The following FLOT1 variants were observed in gnomAD, a reference collection of about 807,000 sequenced individuals.
The protein encoded by FLOT1 is flotillin-1.
A neutral mutation model predicts 58.4 loss-of-function variants in FLOT1; 40 were observed. That is an observed-to-expected ratio of 0.69 (90% CI 0.53 to 0.89). The LOEUF is 0.89. Ranked by LOEUF, FLOT1 falls within the 40% of genes least tolerant of loss-of-function variation. The pLI is 0.00. For missense variants in FLOT1, 423 were observed against 540.8 expected (o/e 0.78, Z 2.16); for synonymous variants, 178 against 204.2 (o/e 0.87, Z 1.09).
rs1562187934 is a variant in FLOT1, at chr6:30,737,211, TCCGTCC to T, written c.723+2941_723+2946del. Among the ~76,000 whole-genome samples the T allele has an allele frequency of 2.1e-4, 16 of 76,224 alleles. No homozygotes were observed. Among genetic ancestry groups the T allele is most frequent in the African/African-American group, 6.4e-4 (14 of 21,820 alleles). 50.0% of individuals were successfully genotyped at this position (76,224 alleles called of 152,430 possible). On this transcript the variant is annotated intron_variant, in intron 8 of 12. Transcript: ENST00000376389. This position sits in a 1 kb window ranked among gnomAD's most constrained non-coding sequence, Gnocchi z 4.4. ...TGACTGACTGACTGACTGTCTGTCGTCCGTCCGTCCGTCCGTCCGTCCGTCCGTCCG... is the reference window on the plus strand; with the variant it reads ...TGACTGACTGACTGACTGTCTGTCGTGTCCGTCCGTCCGTCCGTCCGTCCG...
At chr6:30,739,944 G>T (rs1371375784) in intron 8 of FLOT1, among the ~76,000 whole-genome samples, 5 of 152,244 alleles carry the variant, frequency 3.3e-5, no homozygotes. Flanking sequence ...TTACAGGCAT[G>T]AGTCACCACA....
rs984989911 is a variant in FLOT1 at position 30,737,271 on chromosome 6, T to C, written c.723+2887A>G. Reference sequence around the variant, plus strand: ...GTCCATCCGTCCATCCATCCATCCATATATCTATCTTAGAAGGAGTCTCGC... The same window carrying C: ...GTCCATCCGTCCATCCATCCATCCACATATCTATCTTAGAAGGAGTCTCGC... On this transcript the variant is annotated intron_variant, in intron 8 of 12. Coordinates refer to ENST00000376389, the MANE Select transcript of FLOT1 (RefSeq NM_005803.4). This position sits in a 1 kb window ranked among gnomAD's most constrained non-coding sequence, Gnocchi z 4.4. 6.6e-6 allele frequency among the ~76,000 whole-genome samples: 1 copy of C among 151,610 alleles called. No individual in the cohort carries two copies. The highest frequency in any genetic ancestry group is 1.5e-5 in the Non-Finnish European group (1 of 67,932).
intron 8 of FLOT1, 38 bp from the exon 9 acceptor site, chr6:30,731,138 C>CA: frequency 6.4e-7 from 1 of 1,558,816 alleles, no homozygotes. Context: ...CGCTCTGAGT[C>CA]AGAGGTGAAG....
At chr6:30,729,575 G>A (rs1315681138) in intron 12 of FLOT1, among the ~76,000 whole-genome samples, 3 of 152,286 alleles carry the variant, frequency 2.0e-5, no homozygotes, top group Middle Eastern at 3.4e-3. Context: ...GCTAGGATTC[G>A]CAACAAAACA....
chr6:30,734,072 A>AAAAAG (rs1777397004), intron 8 of FLOT1, among the ~76,000 whole-genome samples: 1 of 145,076 alleles, frequency 6.9e-6, no homozygotes, highest in Non-Finnish European at 1.5e-5. Flanking sequence ...AAAAAAAAAA[A>AAAAAG]GGAATCTGAA....
intron 8 of FLOT1, among the ~76,000 whole-genome samples, chr6:30,731,352 G>T (rs895057161): frequency 3.3e-5 from 5 of 152,008 alleles, no homozygotes; most frequent in African/African-American, 1.2e-4. Context: ...AGGTGTGGTG[G>T]CGAATGCCTG....
At chr6:30,732,504 C>A (rs948485686) in intron 8 of FLOT1, among the ~76,000 whole-genome samples, 1 of 152,054 alleles carries the variant, frequency 6.6e-6, no homozygotes, top group Admixed American at 6.6e-5. Context: ...AGGTGTGAAC[C>A]AGCACACCCG....
chr6:30,731,128 C>A (rs780078004), intron 8 of FLOT1, 28 bp from the exon 9 acceptor site: 1 of 1,571,874 alleles, frequency 6.4e-7, no homozygotes, highest in South Asian at 1.1e-5. Flanking sequence ...GTCAGGTTCA[C>A]GCTCTGAGTC....
At chr6:30,740,952 A>G in intron 5 of FLOT1, 154 bp from the exon 6 acceptor site, 1 of 1,223,142 alleles carries the variant, frequency 8.2e-7, no homozygotes, top group Non-Finnish European at 1.1e-6. Context: ...ATACCCAGCT[A>G]ATTTTTGTAT....
chr6:30,742,274 T>A lies in FLOT1; in HGVS notation c.-14-71A>T. 1 of 1,343,018 alleles carries A rather than the reference T, an allele frequency of 7.4e-7. No homozygotes were observed. The highest frequency in any genetic ancestry group is 1.4e-5 in the African/African-American group (1 of 69,654). 83.2% of individuals were successfully genotyped at this position (1,343,018 alleles called of 1,614,324 possible). A position where few individuals can be genotyped will look rare whatever the true frequency, so the allele number is the denominator to read the frequency against. On this transcript the variant is annotated intron_variant, in intron 1 of 12. Coordinates refer to ENST00000376389, the MANE Select transcript of FLOT1 (RefSeq NM_005803.4). The surrounding 1 kb of genome is among the most constrained non-coding windows in gnomAD (Gnocchi z 5.2). Reference sequence around the variant, plus strand: ...TGTGGCGTCCACAGGGGCCCATCCTTTCCCTTTCCCGTCAGGCCCTCCCAG... The same window carrying A: ...TGTGGCGTCCACAGGGGCCCATCCTATCCCTTTCCCGTCAGGCCCTCCCAG...
At position 30,741,552 on chromosome 6, in the gene FLOT1, A is replaced by C. The variant is rs1777979655; in HGVS notation, c.210+62T>G. On this transcript the variant is annotated intron_variant, in intron 4 of 12. Transcript: ENST00000376389. The surrounding 1 kb of genome is among the most constrained non-coding windows in gnomAD (Gnocchi z 5.9). ...GAAGACTGTGGCCAGAAGATGTCTTAATGTCTGGGAGAGAGGGTGATGGGG... is the reference window on the plus strand; with the variant it reads ...GAAGACTGTGGCCAGAAGATGTCTTCATGTCTGGGAGAGAGGGTGATGGGG... The C allele has an allele frequency of 7.3e-7, 1 of 1,376,462 alleles. No homozygotes were observed. The highest frequency in any genetic ancestry group is 1.2e-5 in the South Asian group (1 of 86,148). The allele number at this position is 1,376,462 out of a possible 1,614,324, so 85.3% of individuals were successfully genotyped here. A position where few individuals can be genotyped will look rare whatever the true frequency, so the allele number is the denominator to read the frequency against.
In FLOT1 at chr6:30,731,610, T is replaced by C. The variant is rs369471477; in HGVS notation, c.724-510A>G. ...CCGTTTAATCTATTTTTCCCACGTG[T>C]GCCCCCTTCTAGAGTATAAATACCT... is the stretch of plus-strand genomic sequence containing the variant. On this transcript the variant is annotated intron_variant, in intron 8 of 12. Coordinates refer to ENST00000376389, the MANE Select transcript of FLOT1 (RefSeq NM_005803.4). Among the ~76,000 whole-genome samples the C allele has an allele frequency of 1.3e-4, 20 of 152,152 alleles. 1 individual carries two copies. Among genetic ancestry groups the C allele is most frequent in the East Asian group, 1.2e-3 (6 of 5,178 alleles).
rs1471331859 is a variant in FLOT1, at chr6:30,730,693, C to G, written c.940G>C (p.Ala314Pro). 2.5e-6 allele frequency: 4 copies of G among 1,613,416 alleles called. No homozygotes were observed. Among genetic ancestry groups the G allele is most frequent in the East Asian group, 2.2e-5 (1 of 44,900 alleles). Residue 314 changes from alanine (A) to proline (P), a missense_variant, in exon 10 of 13, where the codon GCG (alanine) becomes CCG (proline). Ala to Pro is a conservative substitution (Grantham distance 27). Coordinates refer to ENST00000376389, the MANE Select transcript of FLOT1 (RefSeq NM_005803.4). ...QLIMQAEAEAASVRMRGEAEA... is the reference protein window; with the variant it reads ...QLIMQAEAEAPSVRMRGEAEA... ...GCCTCTTAACTCACCCGCACAGACG[C>G]GGCTTCTGCCTCCGCCTGCATAATT... is the stretch of plus-strand genomic sequence containing the variant.
chr6:30,734,465 C>T (rs1357674574), intron 8 of FLOT1, among the ~76,000 whole-genome samples: 1 of 150,474 alleles, frequency 6.6e-6, no homozygotes, highest in Admixed American at 6.6e-5. Context: ...CGTACCACCA[C>T]GCCTGGCTAA....
At chr6:30,739,774 T>C (rs1777833473) in intron 8 of FLOT1, among the ~76,000 whole-genome samples, 1 of 152,148 alleles carries the variant, frequency 6.6e-6, no homozygotes, top group South Asian at 2.1e-4. Flanking sequence ...GCAATCCTCC[T>C]GCCTCATACC....
Position 30,741,146 on chromosome 6 carries a change from T to A in FLOT1, c.354+44A>T. On this transcript the variant is annotated intron_variant, in intron 5 of 12. Transcript: ENST00000376389. The surrounding 1 kb of genome is among the most constrained non-coding windows in gnomAD (Gnocchi z 5.9). ...GACTAGTGTGGGCCTTGGGCCCCCCTCATTTTGACATCCTTCCAGATGGTT... is the reference window on the plus strand; with the variant it reads ...GACTAGTGTGGGCCTTGGGCCCCCCACATTTTGACATCCTTCCAGATGGTT... 6.2e-7 allele frequency: 1 copy of A among 1,606,988 alleles called. No homozygotes were observed. Among genetic ancestry groups the A allele is most frequent in the Non-Finnish European group, 8.5e-7 (1 of 1,176,516 alleles).
chr6:30,730,595 C>T (rs1464565525), intron 10 of FLOT1, 30 bp from the exon 11 acceptor site: 3 of 1,613,494 alleles, frequency 1.9e-6, no homozygotes, highest in Admixed American at 1.7e-5. Flanking sequence ...GTGAGATTGA[C>T]GGAAATCATT....
rs1169191202 is a variant in FLOT1, at chr6:30,742,443, C to T, written c.-15+84G>A. The T allele has an allele frequency of 6.9e-6, 4 of 578,972 alleles. No homozygotes were observed. The highest frequency in any genetic ancestry group is 1.9e-5 in the African/African-American group (1 of 52,634). The allele number at this position is 578,972 out of a possible 1,614,324, so 35.9% of individuals were successfully genotyped here. On this transcript the variant is annotated intron_variant, in intron 1 of 12. Coordinates refer to ENST00000376389, the MANE Select transcript of FLOT1 (RefSeq NM_005803.4). This position sits in a 1 kb window ranked among gnomAD's most constrained non-coding sequence, Gnocchi z 5.2. ...CTCGCCGCTCCCTTTGATAAAGGTC[C>T]CCCGCGCCCAGAGGCCTGCAGACCT...
chr6:30,729,354 C>T (rs1456152769), intron 12 of FLOT1, among the ~76,000 whole-genome samples: 1 of 152,232 alleles, frequency 6.6e-6, no homozygotes, highest in Non-Finnish European at 1.5e-5. Context: ...GCTGGGATTA[C>T]AGGCGTAAGC....
Sources: allele counts gnomAD v4.1 joint callset (sites outside exome capture counted in the v4.1 genomes callset), GRCh38; gene constraint gnomAD v4.1.1; non-coding constraint Gnocchi (gnomAD v3.1); transcripts MANE v1.5; gene names NCBI Gene and HGNC (gene_info 2026-07-23, HGNC 2026-07-21).